The following CFAP54 variants were observed in gnomAD, a reference collection of about 807,000 sequenced individuals.
The protein encoded by CFAP54 is cilia and flagella associated protein 54.
CFAP54 carries 290 observed loss-of-function variants against 370.4 expected under a neutral mutation model. The ratio of observed to expected loss-of-function variants is 0.78; its 90% confidence interval spans 0.71 to 0.86. CFAP54 has a LOEUF of 0.86. Ranked by LOEUF, CFAP54 falls within the 40% of genes least tolerant of loss-of-function variation. The pLI, the probability that CFAP54 is intolerant of heterozygous loss-of-function variation, is 0.00. For synonymous variants in CFAP54, 1,206 were observed against 1,236.5 expected, an observed-to-expected ratio of 0.98 and a Z score of 0.52; for missense variants, 3,399 against 3,528.7, an observed-to-expected ratio of 0.96 and a Z score of 0.93.
chr12:96,632,223 T>C (rs1226683119), intron 32 of CFAP54, among the ~76,000 whole-genome samples: 1 of 152,010 alleles, frequency 6.6e-6, no homozygotes, highest in Non-Finnish European at 1.5e-5. Context: ...TGCTAATGCT[T>C]CTCCCAGTTT....
chr12:96,624,008 A>G (rs1163639571), intron 28 of CFAP54, 127 bp downstream of exon 28: 1 of 611,716 alleles, frequency 1.6e-6, no homozygotes, highest in Non-Finnish European at 2.8e-6. Flanking sequence ...CAGTGCTTTT[A>G]TATCATTAAT....
chr12:96,634,206 C>T (rs960205057), intron 32 of CFAP54, among the ~76,000 whole-genome samples: 1 of 151,588 alleles, frequency 6.6e-6, no homozygotes, highest in Non-Finnish European at 1.5e-5. Context: ...CAGGCATGCA[C>T]CACCACGCTT....
chr12:96,790,843 C>A (rs1266028313), intron 62 of CFAP54, among the ~76,000 whole-genome samples: 1 of 152,174 alleles, frequency 6.6e-6, no homozygotes, highest in Non-Finnish European at 1.5e-5. Context: ...AAACTTTTCA[C>A]ATTTAATATT....
chr12:96,626,969 TAAC>T, intron 30 of CFAP54, 30 bp downstream of exon 30: 2 of 1,262,168 alleles, frequency 1.6e-6, no homozygotes, highest in Non-Finnish European at 2.0e-6. Context: ...TTATACATGT[TAAC>T]AACTTTAAAA....
rs1388402141 is a variant in CFAP54, at chr12:96,651,771, C to G, written c.5056C>G (p.Leu1686Val). ...VLPFYLGAEL[L>V]IDMLIQLQNT... ...ACCATTCTATTTGGGAGCAGAATTACTTATTGACATGTTAATACAACTACA... is the reference window on the plus strand; with the variant it reads ...ACCATTCTATTTGGGAGCAGAATTAGTTATTGACATGTTAATACAACTACA... The change falls in exon 36 of 68, where the codon CTT (leucine) becomes GTT (valine). Residue 1686 changes from leucine to valine, a missense_variant. By Grantham distance (32) the Leu-to-Val change is conservative. This residue lies in a region of CFAP54 where 2,796 missense variants were observed against 2,869.7 expected (regional missense o/e 0.97). Coordinates refer to ENST00000524981, the MANE Select transcript of CFAP54 (RefSeq NM_001306084.2). 6.2e-7 allele frequency: 1 copy of G among 1,612,478 alleles called. No homozygotes were observed. Among genetic ancestry groups the G allele is most frequent in the Non-Finnish European group, 8.5e-7 (1 of 1,178,578 alleles).
chr12:96,754,018 A>G (rs929180623), intron 56 of CFAP54, 120 bp downstream of exon 56: 2 of 926,240 alleles, frequency 2.2e-6, no homozygotes, highest in African/African-American at 1.7e-5. Flanking sequence ...CAAAGGGCTT[A>G]GAGATGATTA....
At chr12:96,613,160 T>C (rs1289471442) in intron 26 of CFAP54, among the ~76,000 whole-genome samples, 1 of 152,044 alleles carries the variant, frequency 6.6e-6, no homozygotes, top group African/African-American at 2.4e-5. Flanking sequence ...ATAGAAATTA[T>C]AACAGCTGTC....
At chr12:96,740,437 A>G (rs765808269) in intron 51 of CFAP54, among the ~76,000 whole-genome samples, 45 of 152,250 alleles carry the variant, frequency 3.0e-4, no homozygotes, top group Non-Finnish European at 5.9e-4. Flanking sequence ...ATTGCCAGTC[A>G]GATACCTGGG....
At chr12:96,573,844 A>G (rs1367006731) in intron 19 of CFAP54, among the ~76,000 whole-genome samples, 1 of 152,204 alleles carries the variant, frequency 6.6e-6, no homozygotes, top group African/African-American at 2.4e-5. Flanking sequence ...TTACCATGTA[A>G]CACTTCCCTT....
intron 26 of CFAP54, among the ~76,000 whole-genome samples, chr12:96,611,266 C>T (rs1462992544): frequency 6.6e-6 from 1 of 152,222 alleles, no homozygotes; most frequent in Non-Finnish European, 1.5e-5. Context: ...TGCTGATACC[C>T]AGGCAAACAG....
At chr12:96,814,544 T>G (rs1958957142) in intron 64 of CFAP54, among the ~76,000 whole-genome samples, 4 of 152,244 alleles carry the variant, frequency 2.6e-5, no homozygotes, top group Admixed American at 1.3e-4. Flanking sequence ...GACCTATTGT[T>G]TTTTAAGTTT....
intron 12 of CFAP54, among the ~76,000 whole-genome samples, chr12:96,537,195 G>A (rs1316205761): frequency 1.3e-5 from 2 of 152,120 alleles, no homozygotes; most frequent in African/African-American, 2.4e-5. Flanking sequence ...CAAGTAACTT[G>A]GATGAGAGAA....
rs746695394 is a variant in CFAP54 at position 96,521,953 on chromosome 12, C to T, written c.1039C>T (p.Arg347Ter). The T allele has an allele frequency of 8.5e-6, 13 of 1,533,782 alleles. No homozygotes were observed. The highest frequency in any genetic ancestry group is 2.4e-5 in the East Asian group (1 of 40,836). ...KSQEESRRYF[R>*]EATMKMAVMI... is the part of the protein sequence containing the mutation. ...CCAGGAAGAATCGCGAAGATATTTT[C>T]GAGAGGCCACAATGAAGGTATAAAA... The change falls in exon 7 of 68, where the codon CGA (arginine) becomes TGA (stop). Residue 347 changes from arginine (R) to a stop codon, truncating the protein, a stop_gained. Transcript: ENST00000524981. LOFTEE classifies it high-confidence loss of function.
chr12:96,657,854 ATTT>A, intron 36 of CFAP54, 25 bp from the exon 37 acceptor site: 1 of 1,320,118 alleles, frequency 7.6e-7, no homozygotes, highest in Non-Finnish European at 1.0e-6. Flanking sequence ...GAAATTACAC[ATTT>A]TTTTTTTCAC....
chr12:96,624,415 G>T (rs1400345943), intron 28 of CFAP54, among the ~76,000 whole-genome samples: 2 of 152,124 alleles, frequency 1.3e-5, no homozygotes, highest in Non-Finnish European at 2.9e-5. Context: ...ATGTGTAAGT[G>T]GTTTGAACCA....
Position 96,792,500 on chromosome 12 carries a change from G to C in CFAP54, c.8850+1G>C. 1.3e-6 allele frequency: 2 copies of C among 1,527,370 alleles called. No homozygotes were observed. Among genetic ancestry groups the C allele is most frequent in the Non-Finnish European group, 1.8e-6 (2 of 1,141,364 alleles). The allele number at this position is 1,527,370 out of a possible 1,614,324, so 94.6% of individuals were successfully genotyped here. A position where few individuals can be genotyped will look rare whatever the true frequency, so the allele number is the denominator to read the frequency against. On this transcript the variant is annotated splice_donor_variant, in intron 63 of 67. Transcript: ENST00000524981. LOFTEE classifies it high-confidence loss of function. ...ACCTCCCAAGGAGACAGAACCTATG[G>C]TATGTAATGTACTTATAGAACTCAA...
At chr12:96,765,294 G>A (rs576501314) in intron 60 of CFAP54, 76 bp downstream of exon 60, 4 of 1,294,326 alleles carry the variant, frequency 3.1e-6, no homozygotes, top group Admixed American at 2.3e-5. Context: ...AGATTTAATT[G>A]TAATTTGTTG....
At chr12:96,840,852 A>G (rs551294639) in intron 66 of CFAP54, among the ~76,000 whole-genome samples, 10 of 152,256 alleles carry the variant, frequency 6.6e-5, no homozygotes, top group Non-Finnish European at 1.2e-4. Flanking sequence ...CTTTGATTCC[A>G]TCCACTTACT....
In CFAP54 at chr12:96,493,690, C is replaced by T. The variant is rs572501728; in HGVS notation, c.317+3764C>T. ...GTGGGCGCCTGTAATCCCAGCTACTCGGCAGGCCGAGGCAGGAGAATCACT... is the reference window on the plus strand; with the variant it reads ...GTGGGCGCCTGTAATCCCAGCTACTTGGCAGGCCGAGGCAGGAGAATCACT... On this transcript the variant is annotated intron_variant, in intron 1 of 67. Coordinates refer to ENST00000524981, the MANE Select transcript of CFAP54 (RefSeq NM_001306084.2). Among the ~76,000 whole-genome samples, 11 of 152,142 alleles carry T rather than the reference C, an allele frequency of 7.2e-5. 1 individual carries two copies. The highest frequency in any genetic ancestry group is 3.3e-4 in the Admixed American group (5 of 15,286).
Sources: gnomAD v4.1 joint callset for allele counts (sites outside exome capture counted in the v4.1 genomes callset) on GRCh38, gnomAD v4.1.1 for gene constraint, gnomAD v4.1.1 regional missense constraint, MANE v1.5 for transcripts, NCBI Gene and HGNC (gene_info 2026-07-23, HGNC 2026-07-21) for gene names.